The following LDB2 variants were observed in gnomAD, a reference collection of about 807,000 sequenced individuals.
The protein encoded by LDB2 is LIM domain-binding protein 2.
In LDB2, 12 loss-of-function variants were observed where a neutral mutation model predicts 44.3. The observed-to-expected ratio is 0.27, with a 90% CI of 0.17 to 0.44. LDB2 has a LOEUF of 0.44. Among genes scored for constraint, LDB2 ranks in the 20% least tolerant of loss-of-function variants. The pLI, the probability that LDB2 is intolerant of heterozygous loss-of-function variation, is 1.00. For synonymous variants in LDB2, 164 were observed against 174.8 expected (o/e 0.94, Z 0.49); for missense variants, 344 against 473.5 (o/e 0.73, Z 2.54).
intron 2 of LDB2, among the ~76,000 whole-genome samples, chr4:16,721,527 T>C (rs1027007100): frequency 6.6e-6 from 1 of 152,174 alleles, no homozygotes; most frequent in Non-Finnish European, 1.5e-5. Context: ...ATCATTTTTT[T>C]AACAAAAATT....
chr4:16,535,234 A>G (rs1472282155), intron 5 of LDB2, among the ~76,000 whole-genome samples: 4 of 152,180 alleles, frequency 2.6e-5, no homozygotes, highest in East Asian at 1.9e-4. Context: ...CTCATCTAAC[A>G]TGATACAATA....
At chr4:16,629,130 C>A (rs1054122342) in intron 2 of LDB2, among the ~76,000 whole-genome samples, 3 of 152,210 alleles carry the variant, frequency 2.0e-5, no homozygotes, top group African/African-American at 7.2e-5. Flanking sequence ...GAAGCTCAAA[C>A]TGGGTAGAGC....
chr4:16,588,565 A>G (rs1299563868), intron 4 of LDB2, 145 bp downstream of exon 4: 3 of 803,992 alleles, frequency 3.7e-6, no homozygotes, highest in African/African-American at 3.5e-5. Context: ...ACCGTTGAGA[A>G]CAAAACTCAA....
intron 1 of LDB2, among the ~76,000 whole-genome samples, chr4:16,765,230 C>A (rs1768940478): frequency 6.6e-6 from 1 of 152,214 alleles, no homozygotes; most frequent in East Asian, 1.9e-4. Context: ...ATTCTTACCA[C>A]ACCAGAAAGG....
At position 16,582,352 on chromosome 4, in the gene LDB2, A is replaced by G. The variant is rs1035911670; in HGVS notation, c.615+3570T>C. On this transcript the variant is annotated intron_variant, in intron 5 of 7. Coordinates refer to ENST00000304523, the MANE Select transcript of LDB2 (RefSeq NM_001290.5). This position sits in a 1 kb window ranked among gnomAD's most constrained non-coding sequence, Gnocchi z 4.8. ...CATTGACCCGGATGGCCCAATGCGC[A>G]CTAAACTGCACTGCCTTCTCATGGT... Among the ~76,000 whole-genome samples, 4 of 152,184 alleles carry G rather than the reference A, an allele frequency of 2.6e-5. No homozygotes were observed. Among genetic ancestry groups the G allele is most frequent in the Admixed American group, 1.3e-4 (2 of 15,282 alleles).
In LDB2 at chr4:16,814,754, A is replaced by G. The variant is rs1208207051; in HGVS notation, c.133-55494T>C. 2.0e-5 allele frequency among the ~76,000 whole-genome samples: 3 copies of G among 152,214 alleles called. No individual in the cohort carries two copies. In the East Asian group the frequency reaches 5.8e-4, roughly 29 times the overall value. ...TATAAGCACCTAAGAGAGTTTTTAA[A>G]AAAGGGGATATGACAAAGTGCTAGA... is the stretch of plus-strand genomic sequence containing the variant. On this transcript the variant is annotated intron_variant, in intron 1 of 7. Transcript: ENST00000304523.
chr4:16,792,708 T>G (rs1428021956), intron 1 of LDB2, among the ~76,000 whole-genome samples: 1 of 152,226 alleles, frequency 6.6e-6, no homozygotes, highest in Non-Finnish European at 1.5e-5. Flanking sequence ...GTTATCCATG[T>G]CCCTGGCCTC....
chr4:16,740,022 T>C (rs1762920984), intron 2 of LDB2, among the ~76,000 whole-genome samples: 2 of 151,874 alleles, frequency 1.3e-5, no homozygotes, highest in Admixed American at 1.3e-4. Flanking sequence ...CTGAGTTACA[T>C]GAGGGAGGTT....
chr4:16,737,946 C>T (rs768536565), intron 2 of LDB2, among the ~76,000 whole-genome samples: 3 of 152,164 alleles, frequency 2.0e-5, no homozygotes, highest in African/African-American at 7.2e-5. Context: ...AAGGACTTAT[C>T]TGATTCCAAA....
At chr4:16,837,917 G>C (rs1785165315) in intron 1 of LDB2, among the ~76,000 whole-genome samples, 1 of 152,220 alleles carries the variant, frequency 6.6e-6, no homozygotes, top group Non-Finnish European at 1.5e-5. Context: ...GAAGGCGCTT[G>C]GTGCACATGC....
intron 5 of LDB2, among the ~76,000 whole-genome samples, chr4:16,544,115 A>G (rs1734856738): frequency 6.6e-6 from 1 of 152,196 alleles, no homozygotes; most frequent in South Asian, 2.1e-4. Flanking sequence ...ACACTTTATG[A>G]AGGAAAAACA....
At chr4:16,581,886 G>A (rs1359035447) in intron 5 of LDB2, among the ~76,000 whole-genome samples, 1 of 148,634 alleles carries the variant, frequency 6.7e-6, no homozygotes, top group Non-Finnish European at 1.5e-5. Context: ...GATGCTGTGA[G>A]TATTTAAAGA....
chr4:16,779,654 T>G (rs1772728581), intron 1 of LDB2, among the ~76,000 whole-genome samples: 8 of 152,222 alleles, frequency 5.3e-5, no homozygotes, highest in Admixed American at 5.2e-4. Context: ...CGTTTAGGGC[T>G]GTCAAGTGGT....
At chr4:16,865,287 T>G (rs956023348) in intron 1 of LDB2, among the ~76,000 whole-genome samples, 7 of 151,958 alleles carry the variant, frequency 4.6e-5, no homozygotes, top group Admixed American at 3.9e-4. Context: ...ATACCTAGAG[T>G]TTACATGGTC....
Position 16,850,319 on chromosome 4 carries a change from C to T in LDB2, c.132+48035G>A, listed in dbSNP as rs527365959. On this transcript the variant is annotated intron_variant, in intron 1 of 7. Transcript: ENST00000304523. ...TAGCCCCACCACCTATTAGCTGAAC[C>T]TCCTTGAACAAGCCATTGAGCTTAG... Among the ~76,000 whole-genome samples the T allele has an allele frequency of 2.6e-4, 39 of 152,206 alleles. No individual in the cohort carries two copies. The South Asian group carries it at 6.6e-3, about 26-fold the overall frequency.
intron 1 of LDB2, among the ~76,000 whole-genome samples, chr4:16,772,402 A>T (rs1770907572): frequency 6.6e-6 from 1 of 152,188 alleles, no homozygotes; most frequent in Non-Finnish European, 1.5e-5. Context: ...TGTTAGACAA[A>T]CTACCAAAGA....
chr4:16,761,398 T>C (rs1473301355), intron 1 of LDB2, among the ~76,000 whole-genome samples: 1 of 152,168 alleles, frequency 6.6e-6, no homozygotes, highest in African/African-American at 2.4e-5. Flanking sequence ...TAGTCTGAGG[T>C]TGATTTCTTC....
At chr4:16,586,526 A>ACAC (rs71181177) in intron 4 of LDB2, among the ~76,000 whole-genome samples, 67 of 65,044 alleles carry the variant, frequency 1.0e-3, no homozygotes, top group South Asian at 3.7e-3. Flanking sequence ...ACACACACAC[A>ACAC]AAACACACAC....
chr4:16,799,673 G>A (rs553763552), intron 1 of LDB2, among the ~76,000 whole-genome samples: 1 of 152,236 alleles, frequency 6.6e-6, no homozygotes, highest in African/African-American at 2.4e-5. Context: ...CAGTCTCAGG[G>A]TTCCTGAGTC....
Sources: gnomAD v4.1 joint callset for allele counts (sites outside exome capture counted in the v4.1 genomes callset) on GRCh38, gnomAD v4.1.1 for gene constraint, Gnocchi (gnomAD v3.1) non-coding constraint, MANE v1.5 for transcripts, NCBI Gene and HGNC (gene_info 2026-07-23, HGNC 2026-07-21) for gene names.